The following WDR41 variants were observed in gnomAD, a reference collection of about 807,000 sequenced individuals.
WDR41 encodes WD repeat domain 41.
A neutral mutation model predicts 69.3 loss-of-function variants in WDR41; 63 were observed. The observed-to-expected ratio is 0.91, with a 90% CI of 0.74 to 1.12. The LOEUF (loss-of-function observed/expected upper bound fraction) is 1.12, where lower values mean the gene tolerates loss of function less well. WDR41 is among the 50% of genes most tolerant of loss of function. WDR41 has a pLI of 0.00. For missense variants in WDR41, 543 were observed against 534.5 expected (o/e 1.02, Z -0.16); for synonymous variants, 185 against 192.1 (o/e 0.96, Z 0.31).
chr5:77,454,239 G>C (rs1384307600), intron 5 of WDR41, among the ~76,000 whole-genome samples: 1 of 152,168 alleles, frequency 6.6e-6, no homozygotes, highest in Non-Finnish European at 1.5e-5. Context: ...ATGTAGCAAA[G>C]AGCTGAGGCT....
chr5:77,512,239 C>G (rs747673202), intron 1 of WDR41, among the ~76,000 whole-genome samples: 5 of 151,814 alleles, frequency 3.3e-5, no homozygotes, highest in Non-Finnish European at 7.4e-5. Flanking sequence ...GCATAGGGAG[C>G]AGCCTGGACA....
At chr5:77,481,365 C>G (rs759251445) in intron 2 of WDR41, among the ~76,000 whole-genome samples, 1 of 152,136 alleles carries the variant, frequency 6.6e-6, no homozygotes, top group African/African-American at 2.4e-5. Context: ...CTGGTCTGCT[C>G]TTATTTTTGA....
chr5:77,443,949 C>T (rs188907354), intron 8 of WDR41, among the ~76,000 whole-genome samples: 11 of 135,486 alleles, frequency 8.1e-5, no homozygotes, highest in Middle Eastern at 4.8e-3. Context: ...GTAACACAAT[C>T]TTGGCTCCCT....
intron 1 of WDR41, among the ~76,000 whole-genome samples, chr5:77,528,873 T>C (rs1414817664): frequency 1.3e-5 from 2 of 151,554 alleles, no homozygotes; most frequent in Admixed American, 1.3e-4. Context: ...AAACTACAAT[T>C]AGAAGTGAAC....
chr5:77,477,107 T>C (rs1276320845), intron 2 of WDR41, among the ~76,000 whole-genome samples: 1 of 147,986 alleles, frequency 6.8e-6, no homozygotes, highest in Non-Finnish European at 1.5e-5. Context: ...AGGGATCAAT[T>C]CAACAAGAAG....
At chr5:77,495,095 A>G (rs1226393386), upstream of WDR41, among the ~76,000 whole-genome samples, 3 of 152,120 alleles carry the variant, frequency 2.0e-5, no homozygotes, top group African/African-American at 7.2e-5. Context: ...TAGAGACAAA[A>G]ACACAACACG....
chr5:77,540,694 A>G (rs771032601), intron 1 of WDR41, among the ~76,000 whole-genome samples: 10 of 139,306 alleles, frequency 7.2e-5, no homozygotes, highest in Non-Finnish European at 1.6e-4. Context: ...GTGACAGAGC[A>G]AGACCCTGTC....
chr5:77,600,179 A>G (rs1312790520), intron 1 of WDR41, among the ~76,000 whole-genome samples: 1 of 152,202 alleles, frequency 6.6e-6, no homozygotes, highest in East Asian at 1.9e-4. Flanking sequence ...TGATCTATGT[A>G]CTCAAGTCTT....
intron 2 of WDR41, among the ~76,000 whole-genome samples, chr5:77,475,516 G>A (rs1479292816): frequency 6.6e-6 from 1 of 152,174 alleles, no homozygotes; most frequent in Non-Finnish European, 1.5e-5. Context: ...CCTGACCCCT[G>A]ACCCCCGAGC....
chr5:77,536,215 A>T (rs1257980664), intron 1 of WDR41, among the ~76,000 whole-genome samples: 1 of 152,140 alleles, frequency 6.6e-6, no homozygotes, highest in Admixed American at 6.6e-5. Flanking sequence ...TCTCCTGATG[A>T]TTAATTAGTC....
intron 8 of WDR41, among the ~76,000 whole-genome samples, chr5:77,445,056 G>C (rs3857400): frequency 0.38 from 58,338 of 151,890 alleles, 11,255 homozygotes; most frequent in Admixed American, 0.41. Context: ...AAGACGAAAA[G>C]AGAGAAGAAT....
At chr5:77,449,910 T>C (rs1799556973) in intron 7 of WDR41, 40 bp from the exon 8 acceptor site, 1 of 1,364,290 alleles carries the variant, frequency 7.3e-7, no homozygotes, top group Non-Finnish European at 1.0e-6. Flanking sequence ...TACAATGCTC[T>C]AAGAGGATAA....
At chr5:77,609,338 G>A (rs886343052) in intron 1 of WDR41, among the ~76,000 whole-genome samples, 45 of 152,120 alleles carry the variant, frequency 3.0e-4, no homozygotes, top group African/African-American at 8.0e-4. Flanking sequence ...ATCTGAGAAC[G>A]GGCAGACTGC....
intron 1 of WDR41, among the ~76,000 whole-genome samples, chr5:77,513,315 G>T (rs1329014236): frequency 6.6e-6 from 1 of 152,068 alleles, no homozygotes; most frequent in African/African-American, 2.4e-5. Flanking sequence ...TTCTTCAGTG[G>T]CATGGCCTTT....
At chr5:77,611,889 T>C (rs376602487) in intron 1 of WDR41, among the ~76,000 whole-genome samples, 3 of 151,822 alleles carry the variant, frequency 2.0e-5, no homozygotes, top group Non-Finnish European at 2.9e-5. Context: ...ATTGATAGAC[T>C]GCTAGCAAGA....
chr5:77,455,976 CA>C (rs200446615), intron 5 of WDR41, among the ~76,000 whole-genome samples: 3 of 102,736 alleles, frequency 2.9e-5, no homozygotes, highest in Admixed American at 1.1e-4. Flanking sequence ...GTAAATTTCT[CA>C]AAAAAAAAAC....
At chr5:77,434,894 G>A (rs928434370) in intron 12 of WDR41, among the ~76,000 whole-genome samples, 1 of 149,060 alleles carries the variant, frequency 6.7e-6, no homozygotes, top group African/African-American at 2.6e-5. Context: ...TTTTACATGG[G>A]GTTTTCCCTA....
At chr5:77,511,576 A>C (rs1157262556) in intron 1 of WDR41, among the ~76,000 whole-genome samples, 2 of 152,184 alleles carry the variant, frequency 1.3e-5, no homozygotes, top group Admixed American at 6.5e-5. Flanking sequence ...TGAACAACAC[A>C]GGCAAAGAAT....
chr5:77,488,266 A>G (rs375133456), intron 2 of WDR41, among the ~76,000 whole-genome samples: 1 of 152,144 alleles, frequency 6.6e-6, no homozygotes, highest in South Asian at 2.1e-4. Context: ...TCAGAACTGC[A>G]CTGCACATGG....
Sources: allele counts gnomAD v4.1 joint callset (sites outside exome capture counted in the v4.1 genomes callset), GRCh38; gene constraint gnomAD v4.1.1; transcripts MANE v1.5; gene names NCBI Gene and HGNC (gene_info 2026-07-23, HGNC 2026-07-21).